SRPK2: variants seen among roughly 807,000 people sequenced by gnomAD.
SRPK2 encodes the protein SFRS protein kinase 2.
A neutral mutation model predicts 90.8 loss-of-function variants in SRPK2; 21 were observed. That is an observed-to-expected ratio of 0.23 (90% CI 0.16 to 0.33). SRPK2 has a LOEUF of 0.33. SRPK2 is among the 10% of genes least tolerant of loss of function. The pLI is 1.00. For synonymous variants in SRPK2, 288 were observed against 311.1 expected (o/e 0.93, Z 0.78); for missense variants, 620 against 869.0 (o/e 0.71, Z 3.60).
intron 2 of SRPK2, among the ~76,000 whole-genome samples, chr7:105,371,240 C>T (rs900689293): frequency 2.0e-5 from 3 of 147,898 alleles, no homozygotes; most frequent in East Asian, 4.1e-4. Flanking sequence ...CCCATCTCTA[C>T]GAAAAATACA....
At chr7:105,291,080 G>A (rs1808951796) in intron 2 of SRPK2, among the ~76,000 whole-genome samples, 1 of 149,884 alleles carries the variant, frequency 6.7e-6, no homozygotes, top group Non-Finnish European at 1.5e-5. Context: ...TGAAGACTGG[G>A]ACCATTCTAA....
chr7:105,160,141 G>C (rs1431898288), intron 7 of SRPK2, among the ~76,000 whole-genome samples: 1 of 151,530 alleles, frequency 6.6e-6, no homozygotes, highest in Non-Finnish European at 1.5e-5. Context: ...AGGATACTTA[G>C]TAAATAAACC....
At chr7:105,230,142 GC>G (rs1563115227) in intron 2 of SRPK2, among the ~76,000 whole-genome samples, 7 of 152,152 alleles carry the variant, frequency 4.6e-5, no homozygotes, top group Non-Finnish European at 7.4e-5. Flanking sequence ...AAGCAAGAAT[GC>G]CTGAGGATAA....
At chr7:105,147,252 C>G (rs1382259879) in intron 7 of SRPK2, among the ~76,000 whole-genome samples, 1 of 152,058 alleles carries the variant, frequency 6.6e-6, no homozygotes, top group East Asian at 1.9e-4. Flanking sequence ...ACAATTGACC[C>G]CTTTAGGTAT....
intron 2 of SRPK2, among the ~76,000 whole-genome samples, chr7:105,209,309 G>A (rs1207450163): frequency 1.3e-5 from 2 of 152,122 alleles, no homozygotes; most frequent in East Asian, 1.9e-4. Context: ...CAGCACTTTG[G>A]GGAGGCCACA....
intron 3 of SRPK2, among the ~76,000 whole-genome samples, chr7:105,184,712 T>C (rs1293299089): frequency 6.6e-6 from 1 of 152,204 alleles, no homozygotes; most frequent in African/African-American, 2.4e-5. Context: ...GTAAAATATT[T>C]GACTGACATT....
intron 2 of SRPK2, among the ~76,000 whole-genome samples, chr7:105,263,449 T>C (rs73715546): frequency 0.012 from 1,814 of 152,246 alleles, 30 homozygotes; most frequent in African/African-American, 0.042. Context: ...TGTACAGATA[T>C]GAGACTGAAT....
At chr7:105,118,272 C>T (rs187297251) in intron 15 of SRPK2, among the ~76,000 whole-genome samples, 44 of 152,294 alleles carry the variant, frequency 2.9e-4, no homozygotes, top group Admixed American at 2.3e-3. Flanking sequence ...TAGTTCTAAG[C>T]TTCTTTAAGT....
At chr7:105,233,387 C>A (rs1176024606) in intron 2 of SRPK2, among the ~76,000 whole-genome samples, 1 of 152,064 alleles carries the variant, frequency 6.6e-6, no homozygotes, top group African/African-American at 2.4e-5. Context: ...AGGGTACTGG[C>A]AAACAAGAAC....
At chr7:105,124,314 C>G (rs1259184148) in intron 15 of SRPK2, among the ~76,000 whole-genome samples, 1 of 152,150 alleles carries the variant, frequency 6.6e-6, no homozygotes, top group Middle Eastern at 3.2e-3. Context: ...ATGGAGTCCT[C>G]GATCCCCTCA....
At chr7:105,244,044 C>T (rs535347332) in intron 2 of SRPK2, among the ~76,000 whole-genome samples, 2 of 152,278 alleles carry the variant, frequency 1.3e-5, no homozygotes, top group Admixed American at 1.3e-4. Flanking sequence ...AAGGAAAGAG[C>T]TGCCATAAAG....
intron 2 of SRPK2, among the ~76,000 whole-genome samples, chr7:105,230,816 TAAAC>T (rs895842890): frequency 1.3e-5 from 2 of 152,274 alleles, no homozygotes; most frequent in South Asian, 2.1e-4. Flanking sequence ...TTCTGGAAAA[TAAAC>T]CAACCATTTT....
At chr7:105,123,794 GA>G (rs1800742677) in intron 15 of SRPK2, among the ~76,000 whole-genome samples, 1 of 152,092 alleles carries the variant, frequency 6.6e-6, no homozygotes, top group African/African-American at 2.4e-5. Flanking sequence ...GGAAAGAACT[GA>G]AGTCCCAATT....
intron 2 of SRPK2, among the ~76,000 whole-genome samples, chr7:105,295,433 T>C (rs1809679176): frequency 6.6e-6 from 1 of 152,284 alleles, no homozygotes; most frequent in Non-Finnish European, 1.5e-5. Context: ...TATAAAATTA[T>C]ATAAACATAC....
intron 2 of SRPK2, among the ~76,000 whole-genome samples, chr7:105,243,378 G>A (rs1179556775): frequency 6.6e-6 from 1 of 152,126 alleles, no homozygotes; most frequent in Non-Finnish European, 1.5e-5. Context: ...TAGGATCAAA[G>A]GTGGCAAGAT....
chr7:105,260,477 A>G (rs944897796), intron 2 of SRPK2, among the ~76,000 whole-genome samples: 17 of 152,350 alleles, frequency 1.1e-4, no homozygotes, highest in African/African-American at 4.1e-4. Context: ...CAGTGTGGCA[A>G]TTCCTCAAGG....
At chr7:105,250,584 T>G in intron 2 of SRPK2, among the ~76,000 whole-genome samples, 1 of 152,152 alleles carries the variant, frequency 6.6e-6, no homozygotes, top group East Asian at 1.9e-4. Flanking sequence ...AAGTTCGAAA[T>G]TACAAAATGT....
intron 2 of SRPK2, among the ~76,000 whole-genome samples, chr7:105,366,549 T>C (rs531539387): frequency 7.8e-4 from 118 of 152,080 alleles, no homozygotes; most frequent in Non-Finnish European, 1.3e-3. Context: ...TTTGTATTTT[T>C]AGTAGAGGCA....
chr7:105,207,922 AAT>A (rs1400140718), intron 2 of SRPK2, among the ~76,000 whole-genome samples: 1 of 152,234 alleles, frequency 6.6e-6, no homozygotes, highest in East Asian at 1.9e-4. Context: ...TTGTATCTAG[AAT>A]ATATAAAGAA....
Sources: allele counts gnomAD v4.1 joint callset (sites outside exome capture counted in the v4.1 genomes callset), GRCh38; gene constraint gnomAD v4.1.1; transcripts MANE v1.5; gene names NCBI Gene and HGNC (gene_info 2026-07-23, HGNC 2026-07-21).